Variants in TMEM30A observed in about 807,000 individuals in gnomAD.
TMEM30A encodes cell division cycle 50 P4-ATPase accessory subunit A.
Under a neutral mutation model 38.2 loss-of-function variants are expected in TMEM30A, and 24 were observed. The observed-to-expected ratio is 0.63, with a 90% CI of 0.46 to 0.88. The LOEUF (loss-of-function observed/expected upper bound fraction) is 0.88. Ranked by LOEUF, TMEM30A falls within the 40% of genes least tolerant of loss-of-function variation. TMEM30A has a pLI of 0.00. For synonymous variants in TMEM30A, 145 were observed against 161.6 expected (o/e 0.90, Z 0.78); for missense variants, 370 against 458.6 (o/e 0.81, Z 1.77).
intron 2 of TMEM30A, 61 bp downstream of exon 2, chr6:75,267,580 A>G (rs1250021840): frequency 2.6e-6 from 3 of 1,168,822 alleles, no homozygotes; most frequent in African/African-American, 1.6e-5. Context: ...AAAGACATTT[A>G]GTACAGTATC....
intron 6 of TMEM30A, chr6:75,256,661 C>A: frequency 2.6e-6 from 1 of 390,690 alleles, no homozygotes; most frequent in Non-Finnish European, 5.0e-6. Context: ...GACTGACAGA[C>A]CAGGAGAAAA....
chr6:75,269,142 G>A (rs934187518), intron 1 of TMEM30A, among the ~76,000 whole-genome samples: 1 of 151,956 alleles, frequency 6.6e-6, no homozygotes, highest in Non-Finnish European at 1.5e-5. Context: ...TATAATCGAC[G>A]AACCTACACT....
At chr6:75,261,542 A>C (rs1771964570) in intron 3 of TMEM30A, among the ~76,000 whole-genome samples, 1 of 152,216 alleles carries the variant, frequency 6.6e-6, no homozygotes, top group Non-Finnish European at 1.5e-5. Context: ...GTTTTGACTT[A>C]CTCCCTACTG....
In TMEM30A at chr6:75,284,595, G is replaced by A. The variant is rs909597824; in HGVS notation, c.44C>T (p.Pro15Leu). 3 of 1,613,666 alleles carry A rather than the reference G, an allele frequency of 1.9e-6. No individual in the cohort carries two copies. The highest frequency in any genetic ancestry group is 3.3e-5 in the Admixed American group (2 of 59,998). The change falls in exon 1 of 7, where the codon CCC (proline) becomes CTC (leucine). Residue 15 changes from proline to leucine, a missense_variant. Physicochemically the swap from Pro to Leu is moderately conservative, Grantham distance 98 (BLOSUM62 -3). Coordinates refer to ENST00000230461, the MANE Select transcript of TMEM30A (RefSeq NM_018247.4). ...YNAKDEVDGG[P>L]PCAPGGTAKT... ...CGCGGTGCCCCCCGGAGCACACGGG[G>A]GCCCACCGTCCACTTCATCCTTCGC... is the stretch of plus-strand genomic sequence containing the variant.
intron 6 of TMEM30A, among the ~76,000 whole-genome samples, chr6:75,257,717 T>C (rs1188445538): frequency 6.6e-6 from 1 of 152,146 alleles, no homozygotes; most frequent in African/African-American, 2.4e-5. Flanking sequence ...TGTATTCAGG[T>C]GCAACATCAA....
intron 4 of TMEM30A, among the ~76,000 whole-genome samples, chr6:75,260,368 T>G (rs772133231): frequency 6.6e-6 from 1 of 151,336 alleles, no homozygotes; most frequent in Non-Finnish European, 1.5e-5. Context: ...GTCGCGCCAC[T>G]GCACTCCAGC....
In TMEM30A at chr6:75,265,292, T is replaced by C. The variant is rs1399002850; in HGVS notation, c.392A>G (p.His131Arg). ...ATCTCGAGATTTCACGTAACGACGA[T>C]GGTTTTGATAGAAATTAGACAGTCC... ...YYGLSNFYQN[H>R]RRYVKSRDDS... is the part of the protein sequence containing the mutation. The change falls in exon 3 of 7, where the codon CAT becomes CGT. Residue 131 changes from histidine to arginine, a missense_variant. Physicochemically the swap from His to Arg is conservative, Grantham distance 29. Transcript: ENST00000230461. 6 of 1,612,232 alleles carry C rather than the reference T, an allele frequency of 3.7e-6. No homozygotes were observed. The highest frequency in any genetic ancestry group is 4.2e-6 in the Non-Finnish European group (5 of 1,179,072).
chr6:75,257,883 T>C (rs186523083), intron 6 of TMEM30A, among the ~76,000 whole-genome samples: 27 of 152,308 alleles, frequency 1.8e-4, no homozygotes, highest in African/African-American at 6.0e-4. Context: ...AATTCTAATA[T>C]TGAGAGATCT....
At chr6:75,271,791 T>C (rs1345221850) in intron 1 of TMEM30A, among the ~76,000 whole-genome samples, 2 of 152,020 alleles carry the variant, frequency 1.3e-5, no homozygotes, top group African/African-American at 4.8e-5. Flanking sequence ...AAATAGTCAG[T>C]CCCCTTTGCC....
At chr6:75,261,602 C>G (rs1771966483) in intron 3 of TMEM30A, among the ~76,000 whole-genome samples, 1 of 152,172 alleles carries the variant, frequency 6.6e-6, no homozygotes, top group African/African-American at 2.4e-5. Flanking sequence ...GAGATCATAT[C>G]AAGTCTGAGG....
chr6:75,279,935 A>G (rs752448964), intron 1 of TMEM30A, among the ~76,000 whole-genome samples: 7 of 152,228 alleles, frequency 4.6e-5, no homozygotes, highest in Non-Finnish European at 7.3e-5. Flanking sequence ...CATTTTAAGT[A>G]TTAATCAAAT....
rs140463906 is a variant in TMEM30A, at chr6:75,255,995, G to A, written c.*107C>T. ...GACTGCTTTTTTTTAGAAAAGTTATGTGCCAACTTCAAAATGACATACTAA... is the reference window on the plus strand; with the variant it reads ...GACTGCTTTTTTTTAGAAAAGTTATATGCCAACTTCAAAATGACATACTAA... On this transcript the variant is annotated 3_prime_UTR_variant, in exon 7 of 7. Transcript: ENST00000230461. 1.1e-5 allele frequency: 8 copies of A among 741,694 alleles called. No individual in the cohort carries two copies. The African/African-American group carries it at 1.3e-4, about 12-fold the overall frequency. 45.9% of individuals were successfully genotyped at this position (741,694 alleles called of 1,614,324 possible).
intron 1 of TMEM30A, among the ~76,000 whole-genome samples, chr6:75,273,592 CAAAG>C (rs371065846): frequency 1.2e-4 from 18 of 151,898 alleles, no homozygotes; most frequent in African/African-American, 4.1e-4. Flanking sequence ...GGAGAGAGTA[CAAAG>C]AGAGACTACA....
At chr6:75,272,715 C>T (rs1772193170) in intron 1 of TMEM30A, 1 of 152,238 alleles carries the variant, frequency 6.6e-6, no homozygotes, top group Non-Finnish European at 1.5e-5. Flanking sequence ...CTTCATGGCA[C>T]TGATTATCTA....
rs1305145788 is a variant in TMEM30A, at chr6:75,254,536, T to C, written c.*1566A>G. ...CACACATTCTTTTAACTGAATTTCATATGTTATATAAAACTTGAAAAGTGT... is the reference window on the plus strand; with the variant it reads ...CACACATTCTTTTAACTGAATTTCACATGTTATATAAAACTTGAAAAGTGT... On this transcript the variant is annotated 3_prime_UTR_variant, in exon 7 of 7. Transcript: ENST00000230461. The C allele has an allele frequency of 6.6e-6, 1 of 152,182 alleles. No homozygotes were observed. The highest frequency in any genetic ancestry group is 1.5e-5 in the Non-Finnish European group (1 of 67,988). 9.4% of individuals were successfully genotyped at this position (152,182 alleles called of 1,614,324 possible).
chr6:75,273,154 T>G lies in TMEM30A; in HGVS notation c.238-5406A>C, dbSNP rs78189885. Among the ~76,000 whole-genome samples, 1,073 of 152,300 alleles carry G rather than the reference T, an allele frequency of 7.0e-3. 34 individuals carry two copies. The East Asian group carries it at 0.11, about 15-fold the overall frequency. ...AGTTACCCAATCCTCCTTTAATACT[T>G]TCTTTCCTGTCTAAGCTAGCCAGAG... On this transcript the variant is annotated intron_variant, in intron 1 of 6. Coordinates refer to ENST00000230461, the MANE Select transcript of TMEM30A (RefSeq NM_018247.4).
At chr6:75,269,604 C>T (rs117324984) in intron 1 of TMEM30A, among the ~76,000 whole-genome samples, 1,659 of 152,320 alleles carry the variant, frequency 0.011, 20 homozygotes, top group Middle Eastern at 0.017. Flanking sequence ...TGTTAAACAT[C>T]CATGTGCAGG....
At chr6:75,265,908 G>T (rs1036478338) in intron 2 of TMEM30A, among the ~76,000 whole-genome samples, 2 of 152,064 alleles carry the variant, frequency 1.3e-5, no homozygotes, top group African/African-American at 4.8e-5. Context: ...CTTGAATTGG[G>T]ATATAATAAA....
At chr6:75,266,825 T>G (rs1488572246) in intron 2 of TMEM30A, among the ~76,000 whole-genome samples, 1 of 152,230 alleles carries the variant, frequency 6.6e-6, no homozygotes, top group East Asian at 1.9e-4. Flanking sequence ...TAATTACATT[T>G]GTCTTCTACA....
Sources: gnomAD v4.1 joint callset for allele counts (sites outside exome capture counted in the v4.1 genomes callset) on GRCh38, gnomAD v4.1.1 for gene constraint, MANE v1.5 for transcripts, NCBI Gene and HGNC (gene_info 2026-07-23, HGNC 2026-07-21) for gene names.